The following PPIF variants were observed in gnomAD, a reference collection of about 807,000 sequenced individuals.
PPIF encodes peptidylprolyl isomerase F, also known as peptidyl-prolyl cis-trans isomerase F, mitochondrial.
Under a neutral mutation model 20.2 loss-of-function variants are expected in PPIF, and 23 were observed. The observed-to-expected ratio is 1.14, with a 90% CI of 0.82 to 1.61. PPIF has a LOEUF of 1.61. PPIF is among the 40% of genes most tolerant of loss of function. PPIF has a pLI of 0.00. For missense variants in PPIF, 287 were observed against 291.6 expected, an observed-to-expected ratio of 0.98 and a Z score of 0.11; for synonymous variants, 113 against 123.1, an observed-to-expected ratio of 0.92 and a Z score of 0.54.
rs1039186355 is a variant in PPIF, at chr10:79,347,800, G to A, written c.195+57G>A. On this transcript the variant is annotated intron_variant, in intron 1 of 5. Coordinates refer to ENST00000225174, the MANE Select transcript of PPIF (RefSeq NM_005729.4). ...GGGACACGGGCCCGGGGAGAGCCCT[G>A]GGCCCCGGGCGGCGCGGTGCCGGGC... The A allele has an allele frequency of 4.0e-6, 5 of 1,248,244 alleles. No homozygotes were observed. The Admixed American group carries it at 2.1e-4, about 53-fold the overall frequency. 77.3% of individuals were successfully genotyped at this position (1,248,244 alleles called of 1,614,324 possible).
rs758145779 is a variant in PPIF at position 79,353,687 on chromosome 10, C to G, written c.489-20C>G. 6.2e-7 allele frequency: 1 copy of G among 1,614,222 alleles called. No homozygotes were observed. Reference sequence around the variant, plus strand: ...ACATTGCGCTACACTGTTGCTCACCCGGGTCACCCGTCCTCACAGGTTGGA... The same window carrying G: ...ACATTGCGCTACACTGTTGCTCACCGGGGTCACCCGTCCTCACAGGTTGGA... On this transcript the variant is annotated intron_variant, in intron 5 of 5. Coordinates refer to ENST00000225174, the MANE Select transcript of PPIF (RefSeq NM_005729.4).
intron 3 of PPIF, among the ~76,000 whole-genome samples, chr10:79,350,368 C>G (rs1193258888): frequency 6.6e-6 from 1 of 152,090 alleles, no homozygotes; most frequent in African/African-American, 2.4e-5. Context: ...GGCTGGTCTT[C>G]TATTAGCACA....
intron 5 of PPIF, 170 bp from the exon 6 acceptor site, chr10:79,353,537 G>A: frequency 2.5e-6 from 3 of 1,183,134 alleles, no homozygotes; most frequent in Middle Eastern, 2.0e-4. Flanking sequence ...CCTCTGGGGT[G>A]TATTTGGGGC....
In PPIF at chr10:79,347,543, C is replaced by G. The variant is rs1171202804; in HGVS notation, c.-6C>G. The G allele has an allele frequency of 3.1e-6, 4 of 1,300,750 alleles. No individual in the cohort carries two copies. Among genetic ancestry groups the G allele is most frequent in the Non-Finnish European group, 1.9e-6 (2 of 1,029,620 alleles). 80.6% of individuals were successfully genotyped at this position (1,300,750 alleles called of 1,614,324 possible). Reference sequence around the variant, plus strand: ...CCGCCCGTGTCCCGCCCGACCCGCGCCCGCGATGCTGGCGCTGCGCTGCGG... The same window carrying G: ...CCGCCCGTGTCCCGCCCGACCCGCGGCCGCGATGCTGGCGCTGCGCTGCGG... On this transcript the variant is annotated 5_prime_UTR_variant, in exon 1 of 6. Transcript: ENST00000225174.
At chr10:79,352,120 C>T (rs1007135882) in intron 4 of PPIF, among the ~76,000 whole-genome samples, 197 bp from the exon 5 acceptor site, 1 of 152,274 alleles carries the variant, frequency 6.6e-6, no homozygotes, top group East Asian at 1.9e-4. Context: ...TCTCAGGCCA[C>T]CCCACTGAGA....
intron 1 of PPIF, among the ~76,000 whole-genome samples, chr10:79,348,381 C>G (rs1304248913): frequency 6.6e-6 from 1 of 152,164 alleles, no homozygotes; most frequent in Non-Finnish European, 1.5e-5. Context: ...CACTGAGCAC[C>G]TCCCCTAACT....
At chr10:79,352,223 T>G in intron 4 of PPIF, 94 bp from the exon 5 acceptor site, 1 of 1,118,218 alleles carries the variant, frequency 8.9e-7, no homozygotes, top group Non-Finnish European at 1.4e-6. Context: ...GACTCGAATG[T>G]CCCTGGTGTG....
At chr10:79,347,862 TG>T in intron 1 of PPIF, 119 bp downstream of exon 1, 1 of 1,218,516 alleles carries the variant, frequency 8.2e-7, no homozygotes, top group South Asian at 3.9e-5. Context: ...TGCCGAGCTC[TG>T]GGCCTCAGTT....
chr10:79,351,633 C>T (rs1855984884), intron 4 of PPIF, 50 bp downstream of exon 4: 1 of 1,558,622 alleles, frequency 6.4e-7, no homozygotes, highest in Non-Finnish European at 8.8e-7. Flanking sequence ...TCTGACCTGG[C>T]CTGGAAGCCC....
rs1286824852 is a variant in PPIF at position 79,347,784 on chromosome 10, G to A, written c.195+41G>A. The A allele has an allele frequency of 3.9e-6, 5 of 1,271,792 alleles. No homozygotes were observed. In the South Asian group the frequency reaches 1.4e-4, roughly 36 times the overall value. 78.8% of individuals were successfully genotyped at this position (1,271,792 alleles called of 1,614,324 possible). On this transcript the variant is annotated intron_variant, in intron 1 of 5. Coordinates refer to ENST00000225174, the MANE Select transcript of PPIF (RefSeq NM_005729.4). ...GGGCCGGCCTGGGCGCGGGACACGG[G>A]CCCGGGGAGAGCCCTGGGCCCCGGG...
chr10:79,353,980 A>G lies in PPIF; in HGVS notation c.*138A>G. 9.9e-7 allele frequency: 1 copy of G among 1,010,262 alleles called. No homozygotes were observed. Among genetic ancestry groups the G allele is most frequent in the South Asian group, 1.6e-5 (1 of 62,894 alleles). 62.6% of individuals were successfully genotyped at this position (1,010,262 alleles called of 1,614,324 possible). ...CACAGTGTGCCTGAGGAAGGCTGCTAGGGATGTTAGACCTCGGCCAGGACC... is the reference window on the plus strand; with the variant it reads ...CACAGTGTGCCTGAGGAAGGCTGCTGGGGATGTTAGACCTCGGCCAGGACC... On this transcript the variant is annotated 3_prime_UTR_variant, in exon 6 of 6. Transcript: ENST00000225174.
At chr10:79,347,806 C>T in intron 1 of PPIF, 63 bp downstream of exon 1, 2 of 1,244,136 alleles carry the variant, frequency 1.6e-6, no homozygotes, top group East Asian at 3.2e-5. Context: ...CCCTGGGCCC[C>T]GGGCGGCGCG....
chr10:79,348,202 G>A (rs1305891587), intron 1 of PPIF, among the ~76,000 whole-genome samples: 1 of 152,166 alleles, frequency 6.6e-6, no homozygotes, highest in Non-Finnish European at 1.5e-5. Flanking sequence ...GGCTCACACT[G>A]GGGGTGCTGG....
At chr10:79,351,429 G>A in intron 3 of PPIF, 58 bp from the exon 4 acceptor site, 3 of 1,566,552 alleles carry the variant, frequency 1.9e-6, no homozygotes, top group Non-Finnish European at 1.8e-6. Flanking sequence ...GCCAGCGCCA[G>A]GGCCGTGGCC....
Position 79,353,903 on chromosome 10 carries a change from G to A in PPIF, c.*61G>A, listed in dbSNP as rs1397739122. 1.3e-5 allele frequency: 21 copies of A among 1,565,784 alleles called. No homozygotes were observed. The highest frequency in any genetic ancestry group is 2.3e-5 in the South Asian group (2 of 85,910). On this transcript the variant is annotated 3_prime_UTR_variant, in exon 6 of 6. Transcript: ENST00000225174. ...AATGTCCATGCACCCAGGTGGCCGCGTTGGGCTGTCAGCCAAGGTGCCTGA... is the reference window on the plus strand; with the variant it reads ...AATGTCCATGCACCCAGGTGGCCGCATTGGGCTGTCAGCCAAGGTGCCTGA...
At chr10:79,348,305 G>T (rs1014125183) in intron 1 of PPIF, among the ~76,000 whole-genome samples, 20 of 152,180 alleles carry the variant, frequency 1.3e-4, no homozygotes, top group African/African-American at 4.6e-4. Flanking sequence ...CCCCTCCTGC[G>T]AGTCGGGACA....
intron 4 of PPIF, 22 bp downstream of exon 4, chr10:79,351,605 GGTGAGT>G: frequency 1.9e-6 from 3 of 1,605,214 alleles, no homozygotes; most frequent in Non-Finnish European, 1.7e-6. Flanking sequence ...CCTCCTCTAG[GGTGAGT>G]GTCCCCACAG....
intron 5 of PPIF, 109 bp downstream of exon 5, chr10:79,352,501 G>A: frequency 9.0e-7 from 1 of 1,112,354 alleles, no homozygotes; most frequent in East Asian, 2.4e-5. Context: ...TCTGCTCTGG[G>A]ACAGTGGCCC....
At position 79,354,277 on chromosome 10, in the gene PPIF, A is replaced by C; in HGVS notation, c.*435A>C. The C allele has an allele frequency of 5.7e-6, 1 of 174,800 alleles. No individual in the cohort carries two copies. Among genetic ancestry groups the C allele is most frequent in the Non-Finnish European group, 1.2e-5 (1 of 80,888 alleles). The allele number at this position is 174,800 out of a possible 1,614,324, so 10.8% of individuals were successfully genotyped here. A position where few individuals can be genotyped will look rare whatever the true frequency, so the allele number is the denominator to read the frequency against. On this transcript the variant is annotated 3_prime_UTR_variant, in exon 6 of 6. Transcript: ENST00000225174. ...TAATTTAATTAACAAGATTGACTAGAAGTGAAACTGCAACACTAACTTCCC... is the reference window on the plus strand; with the variant it reads ...TAATTTAATTAACAAGATTGACTAGCAGTGAAACTGCAACACTAACTTCCC...
Sources: allele counts gnomAD v4.1 joint callset (sites outside exome capture counted in the v4.1 genomes callset), GRCh38; gene constraint gnomAD v4.1.1; transcripts MANE v1.5; gene names NCBI Gene and HGNC (gene_info 2026-07-23, HGNC 2026-07-21).